Variants in MUL1 observed in about 807,000 individuals in gnomAD.
MUL1 encodes mitochondrial E3 ubiquitin protein ligase 1, also known as mitochondrial ubiquitin ligase activator of NFKB 1.
In MUL1, 30 loss-of-function variants were observed where a neutral mutation model predicts 34.1. The ratio of observed to expected loss-of-function variants is 0.88; its 90% CI spans 0.66 to 1.19. The LOEUF is 1.19. Ranked by LOEUF, MUL1 falls within the 50% of genes most tolerant of loss-of-function variation. The pLI, the probability that MUL1 is intolerant of heterozygous loss-of-function variation, is 0.00. For synonymous variants in MUL1, 191 were observed against 187.8 expected, an observed-to-expected ratio of 1.02 and a Z score of -0.14; for missense variants, 419 against 450.5, an observed-to-expected ratio of 0.93 and a Z score of 0.63.
At position 20,500,707 on chromosome 1, in the gene MUL1, G is replaced by A. The variant is rs770403288; in HGVS notation, c.1042C>T (p.Pro348Ser). ...CCAAACTATTAGCTGTTGTACAGGGGTATCACCCGGGTGATCGCCTGTCTG... is the reference window on the plus strand; with the variant it reads ...CCAAACTATTAGCTGTTGTACAGGGATATCACCCGGGTGATCGCCTGTCTG... ...ICRQAITRVI[P>S]LYNS The change falls in exon 4 of 4, where the codon CCC (proline) becomes TCC (serine). Residue 348 changes from proline (P) to serine (S), a missense_variant. Transcript: ENST00000264198. 2.5e-6 allele frequency: 4 copies of A among 1,586,908 alleles called. No individual in the cohort carries two copies. Among genetic ancestry groups the A allele is most frequent in the Admixed American group, 1.7e-5 (1 of 57,906 alleles).
chr1:20,506,515 G>T (rs2051715252), intron 1 of MUL1, among the ~76,000 whole-genome samples: 1 of 152,190 alleles, frequency 6.6e-6, no homozygotes, highest in South Asian at 2.1e-4. Context: ...TCAATTTTCT[G>T]ATTTGCAATG....
chr1:20,502,046 G>C (rs1357300283), intron 3 of MUL1, 23 bp downstream of exon 3: 39 of 1,612,400 alleles, frequency 2.4e-5, no homozygotes, highest in Non-Finnish European at 3.3e-5. Context: ...AAGGGTTTTG[G>C]CCAGTGGAGA....
rs1290280691 is a variant in MUL1, at chr1:20,500,705, G to T, written c.1044C>A (p.Pro348=). 3.2e-6 allele frequency: 5 copies of T among 1,584,028 alleles called. No homozygotes were observed. In the South Asian group the frequency reaches 5.8e-5, roughly 18 times the overall value. ...ICRQAITRVI[P]LYNS ...TTCCAAACTATTAGCTGTTGTACAG[G>T]GGTATCACCCGGGTGATCGCCTGTC... Residue 348 remains proline, a synonymous_variant, in exon 4 of 4, where the codon CCC becomes CCA. Transcript: ENST00000264198.
At chr1:20,503,606 G>T (rs953873474) in intron 1 of MUL1, among the ~76,000 whole-genome samples, 2 of 152,038 alleles carry the variant, frequency 1.3e-5, no homozygotes, top group African/African-American at 2.4e-5. Flanking sequence ...AATATAAAAG[G>T]TACTAGTCAA....
At position 20,502,180 on chromosome 1, in the gene MUL1, C is replaced by A. The variant is rs757607959; in HGVS notation, c.218G>T (p.Arg73Leu). ...GCTGTTAAGCGTTTCTTTAACAGACCGCACAGCTCCTAAGTGGACACAAAT... is the reference window on the plus strand; with the variant it reads ...GCTGTTAAGCGTTTCTTTAACAGACAGCACAGCTCCTAAGTGGACACAAAT... ...VPYAVIEGAV[R>L]SVKETLNSQF... Residue 73 changes from arginine (R) to leucine (L), a missense_variant, in exon 3 of 4, where the codon CGG (arginine) becomes CTG (leucine). Physicochemically the swap from Arg to Leu is moderately radical, Grantham distance 102. Coordinates refer to ENST00000264198, the MANE Select transcript of MUL1 (RefSeq NM_024544.3). The A allele has an allele frequency of 2.5e-6, 4 of 1,614,034 alleles. No individual in the cohort carries two copies. The highest frequency in any genetic ancestry group is 1.7e-5 in the Admixed American group (1 of 60,022).
Position 20,502,748 on chromosome 1 carries a change from G to T in MUL1, c.208+474C>A, listed in dbSNP as rs192384297. Reference sequence around the variant, plus strand: ...GGGGTTTCATCATGTCGACCAGGCTGGTCTCAAACTCCTGAGCTCAAGTGA... The same window carrying T: ...GGGGTTTCATCATGTCGACCAGGCTTGTCTCAAACTCCTGAGCTCAAGTGA... On this transcript the variant is annotated intron_variant, in intron 2 of 3. Transcript: ENST00000264198. Among the ~76,000 whole-genome samples the T allele has an allele frequency of 9.1e-4, 138 of 152,184 alleles. 3 individuals are homozygous for T. In the East Asian group the frequency reaches 0.019, roughly 21 times the overall value.
intron 1 of MUL1, 91 bp from the exon 2 acceptor site, chr1:20,503,400 T>C: frequency 2.7e-6 from 2 of 734,610 alleles, no homozygotes; most frequent in Non-Finnish European, 4.4e-6. Flanking sequence ...AAGATTCTAT[T>C]TTTTTCGTGT....
intron 1 of MUL1, among the ~76,000 whole-genome samples, chr1:20,507,374 G>GT (rs1358721833): frequency 6.6e-6 from 1 of 152,202 alleles, no homozygotes; most frequent in Non-Finnish European, 1.5e-5. Context: ...TGCACTTGCT[G>GT]TTCCTTCCAT....
Position 20,501,011 on chromosome 1 carries a change from A to C in MUL1, c.738T>G (p.Val246=), listed in dbSNP as rs755997004. The stretch of plus-strand genomic sequence containing the variant: ...GGGTGGCACATGTGGCAAAGCCAAA[A>C]ACCAGCGCCAGCACCTTCCAGAGCC... The part of the protein sequence containing the change: ...SVRLWKVLAL[V]FGFATCATLF... The change falls in exon 4 of 4, where the codon GTT becomes GTG. Residue 246 remains valine (V), a synonymous_variant. Transcript: ENST00000264198. The surrounding 1 kb of genome is among the most constrained non-coding windows in gnomAD (Gnocchi z 4.2). 12 of 1,613,922 alleles carry C rather than the reference A, an allele frequency of 7.4e-6. No homozygotes were observed. Among genetic ancestry groups the C allele is most frequent in the Non-Finnish European group, 1.0e-5 (12 of 1,180,048 alleles).
chr1:20,504,267 C>T (rs908090700), intron 1 of MUL1, among the ~76,000 whole-genome samples: 4 of 152,172 alleles, frequency 2.6e-5, no homozygotes, highest in African/African-American at 9.7e-5. Context: ...CTCTGCCTTC[C>T]AACTCAGAGC....
chr1:20,506,967 C>G (rs1319894642), intron 1 of MUL1, among the ~76,000 whole-genome samples: 3 of 152,152 alleles, frequency 2.0e-5, no homozygotes, highest in Non-Finnish European at 4.4e-5. Flanking sequence ...TGGCTCACGC[C>G]TTTACATCCC....
At position 20,501,026 on chromosome 1, in the gene MUL1, C is replaced by T; in HGVS notation, c.723G>A (p.Lys241=). ...QRQESSVRLW[K]VLALVFGFAT... is the part of the protein sequence containing the mutation. ...CAAAGCCAAAAACCAGCGCCAGCAC[C>T]TTCCAGAGCCTGACGCTCGACTCCT... Residue 241 remains lysine (K), a synonymous_variant, in exon 4 of 4, where the codon AAG becomes AAA. Transcript: ENST00000264198. This position sits in a 1 kb window ranked among gnomAD's most constrained non-coding sequence, Gnocchi z 4.2. 2 of 1,614,100 alleles carry T rather than the reference C, an allele frequency of 1.2e-6. No individual in the cohort carries two copies. The highest frequency in any genetic ancestry group is 1.7e-5 in the Admixed American group (1 of 60,038).
chr1:20,507,780 C>G (rs1390420098), intron 1 of MUL1, 125 bp downstream of exon 1: 1 of 1,366,972 alleles, frequency 7.3e-7, no homozygotes, highest in Non-Finnish European at 9.8e-7. Flanking sequence ...CTGGATGACA[C>G]CCTTCAGAGG....
chr1:20,504,723 G>A (rs1311359297), intron 1 of MUL1, among the ~76,000 whole-genome samples: 2 of 152,176 alleles, frequency 1.3e-5, no homozygotes, highest in African/African-American at 4.8e-5. Flanking sequence ...CCCCTAGTGC[G>A]GAGAACTGTG....
intron 1 of MUL1, among the ~76,000 whole-genome samples, chr1:20,507,470 T>C (rs1308878456): frequency 6.6e-6 from 1 of 152,156 alleles, no homozygotes; most frequent in Non-Finnish European, 1.5e-5. Flanking sequence ...AGATCCCCCT[T>C]TCTCCAGCAT....
chr1:20,507,992 C>G lies in MUL1; in HGVS notation c.33G>C (p.Gln11His). The change falls in exon 1 of 4, where the codon CAG becomes CAC. Residue 11 changes from glutamine to histidine, a missense_variant. Physicochemically the swap from Gln to His is conservative, Grantham distance 24. Transcript: ENST00000264198. The stretch of plus-strand genomic sequence containing the variant: ...CAGAGGTGGTGCCCAGGAGGATGAA[C>G]TGGCACAGCGAGGGCCGCCCTCCGC... MESGGRPSLC[Q>H]FILLGTTSVV... The G allele has an allele frequency of 1.3e-6, 2 of 1,590,244 alleles. No homozygotes were observed. Among genetic ancestry groups the G allele is most frequent in the South Asian group, 1.1e-5 (1 of 87,144 alleles).
Position 20,499,758 on chromosome 1 carries a change from T to C in MUL1, c.*932A>G, listed in dbSNP as rs2051634233. On this transcript the variant is annotated 3_prime_UTR_variant, in exon 4 of 4. Transcript: ENST00000264198. The stretch of plus-strand genomic sequence containing the variant: ...CCAAGATGTCAAAGCTGCGACGGGC[T>C]GGATGAGGGAGCCCCAAGAGGGCAT... 1.3e-5 allele frequency: 2 copies of C among 152,060 alleles called. No individual in the cohort carries two copies. Among genetic ancestry groups the C allele is most frequent in the African/African-American group, 4.8e-5 (2 of 41,396 alleles). 9.4% of individuals were successfully genotyped at this position (152,060 alleles called of 1,614,324 possible).
At chr1:20,503,094 C>G (rs2051679641) in intron 2 of MUL1, 128 bp downstream of exon 2, 1 of 584,428 alleles carries the variant, frequency 1.7e-6, no homozygotes, top group Admixed American at 3.5e-5. Context: ...CCATGTCTTT[C>G]TGACCCCAAA....
Position 20,503,417 on chromosome 1 carries a change from A to C in MUL1, c.121-108T>G, listed in dbSNP as rs568589465. On this transcript the variant is annotated intron_variant, in intron 1 of 3. Coordinates refer to ENST00000264198, the MANE Select transcript of MUL1 (RefSeq NM_024544.3). ...GATTCTATTTTTTTCGTGTCAAGAG[A>C]ATATGGAAATTGGACAGGAAGGTGA... 9.4e-4 allele frequency: 602 copies of C among 639,470 alleles called. 9 individuals carry two copies. The highest frequency in any genetic ancestry group is 4.2e-3 in the South Asian group (199 of 47,140). The allele number at this position is 639,470 out of a possible 1,614,324, so 39.6% of individuals were successfully genotyped here. A position where few individuals can be genotyped will look rare whatever the true frequency, so the allele number is the denominator to read the frequency against.
Sources: gnomAD v4.1 joint callset for allele counts (sites outside exome capture counted in the v4.1 genomes callset) on GRCh38, gnomAD v4.1.1 for gene constraint, Gnocchi (gnomAD v3.1) non-coding constraint, MANE v1.5 for transcripts, NCBI Gene and HGNC (gene_info 2026-07-23, HGNC 2026-07-21) for gene names.